PPARGC1A: variants seen among roughly 807,000 people sequenced by gnomAD.
The protein encoded by PPARGC1A is peroxisome proliferator-activated receptor gamma coactivator 1-alpha.
In PPARGC1A, 25 loss-of-function variants were observed where a neutral mutation model predicts 88.7. That is an observed-to-expected ratio of 0.28 (90% CI 0.21 to 0.39). The LOEUF (loss-of-function observed/expected upper bound fraction) is 0.39. Among genes scored for constraint, PPARGC1A ranks in the 10% least tolerant of loss-of-function variants. The probability of loss-of-function intolerance (pLI) is 1.00; values close to 1 mark genes in which losing one functional copy is unlikely to be tolerated. For missense variants in PPARGC1A, 880 were observed against 968.7 expected (o/e 0.91, Z 1.22); for synonymous variants, 363 against 355.6 (o/e 1.02, Z -0.24).
At chr4:24,105,756 G>A in the PPARGC1A span, among the ~76,000 whole-genome samples, 7 of 152,280 alleles carry the variant, frequency 4.6e-5, no homozygotes, top group Admixed American at 3.9e-4. Flanking sequence ...ATCCAAACAA[G>A]ATGGCAAGAA....
At chr4:24,274,792 C>T in the PPARGC1A span, among the ~76,000 whole-genome samples, 1 of 151,858 alleles carries the variant, frequency 6.6e-6, no homozygotes, top group South Asian at 2.1e-4. Flanking sequence ...GCTATTGGCC[C>T]TCACCTAGCA....
intron 5 of PPARGC1A, among the ~76,000 whole-genome samples, chr4:23,825,746 C>T (rs577932443): frequency 1.3e-5 from 2 of 152,214 alleles, no homozygotes; most frequent in African/African-American, 4.8e-5. Context: ...TAGATCTACA[C>T]AGTTGAATGG....
At chr4:23,877,359 A>C (rs7660192) in intron 2 of PPARGC1A, among the ~76,000 whole-genome samples, 3 of 81,770 alleles carry the variant, frequency 3.7e-5, no homozygotes, top group African/African-American at 1.4e-4. Flanking sequence ...TACTAAAAAT[A>C]CAAAAAAAAA....
intron 2 of PPARGC1A, among the ~76,000 whole-genome samples, chr4:23,861,824 T>A (rs1353768520): frequency 2.0e-5 from 3 of 152,202 alleles, no homozygotes; most frequent in Non-Finnish European, 1.5e-5. Flanking sequence ...CATTGCATTT[T>A]AAAAAGAGTT....
At chr4:23,942,559 C>A in the PPARGC1A span, among the ~76,000 whole-genome samples, 1 of 152,168 alleles carries the variant, frequency 6.6e-6, no homozygotes, top group Non-Finnish European at 1.5e-5. Context: ...AATTCACTTC[C>A]ACACTTACTG....
At chr4:24,072,403 C>T in the PPARGC1A span, among the ~76,000 whole-genome samples, 14 of 151,732 alleles carry the variant, frequency 9.2e-5, no homozygotes, top group Non-Finnish European at 2.1e-4. Flanking sequence ...ATGAGAGAAA[C>T]AGGTGGGGTT....
At chr4:23,955,329 A>T in the PPARGC1A span, among the ~76,000 whole-genome samples, 108 of 152,220 alleles carry the variant, frequency 7.1e-4, no homozygotes, top group African/African-American at 2.4e-3. Flanking sequence ...ATAAAACAAC[A>T]TTGATTTATG....
At chr4:24,060,516 T>C in the PPARGC1A span, among the ~76,000 whole-genome samples, 1 of 152,238 alleles carries the variant, frequency 6.6e-6, no homozygotes, top group African/African-American at 2.4e-5. Context: ...TTTTTAAAAG[T>C]ACTTTTGTAG....
the PPARGC1A span, among the ~76,000 whole-genome samples, chr4:24,265,382 A>G: frequency 6.6e-6 from 1 of 152,178 alleles, no homozygotes; most frequent in Admixed American, 6.5e-5. Context: ...AACACTTCTC[A>G]TTCCCTTGGA....
the PPARGC1A span, among the ~76,000 whole-genome samples, chr4:24,194,511 G>A: frequency 2.0e-5 from 3 of 152,040 alleles, no homozygotes; most frequent in Admixed American, 1.3e-4. Context: ...CTCGCACTAA[G>A]TATCAGAGTT....
the PPARGC1A span, among the ~76,000 whole-genome samples, chr4:24,070,557 G>A: frequency 2.0e-5 from 3 of 152,016 alleles, no homozygotes; most frequent in African/African-American, 7.2e-5. Flanking sequence ...AAAGTACTTA[G>A]GTTCCAGAAA....
chr4:24,403,272 G>C, the PPARGC1A span, among the ~76,000 whole-genome samples: 1 of 152,164 alleles, frequency 6.6e-6, no homozygotes, highest in Non-Finnish European at 1.5e-5. Context: ...CACTGTACTT[G>C]GAAAGGTTGG....
chr4:23,816,430 A>G (rs1247672270), intron 7 of PPARGC1A, among the ~76,000 whole-genome samples: 1 of 152,072 alleles, frequency 6.6e-6, no homozygotes, highest in African/African-American at 2.4e-5. Context: ...GGTCAATCTT[A>G]TCTTTTCTCT....
At chr4:23,962,137 A>G in the PPARGC1A span, among the ~76,000 whole-genome samples, 1 of 152,118 alleles carries the variant, frequency 6.6e-6, no homozygotes. Context: ...TTTTTTAATA[A>G]CAACAAGGGA....
At chr4:23,918,945 T>C in the PPARGC1A span, among the ~76,000 whole-genome samples, 99 of 152,174 alleles carry the variant, frequency 6.5e-4, 1 homozygote, top group Admixed American at 2.0e-3. Context: ...AGTCTCTCTG[T>C]TTATTCTGCT....
the PPARGC1A span, among the ~76,000 whole-genome samples, chr4:24,383,919 A>G: frequency 1.3e-5 from 2 of 152,196 alleles, no homozygotes; most frequent in East Asian, 3.9e-4. Context: ...CAAGCCACAT[A>G]ATCTTCAGAT....
chr4:23,799,561 C>G (rs1718276833), intron 12 of PPARGC1A, among the ~76,000 whole-genome samples: 1 of 152,212 alleles, frequency 6.6e-6, no homozygotes, highest in South Asian at 2.1e-4. Flanking sequence ...CAGAAAAAAA[C>G]TACCTTTGTG....
At chr4:24,438,887 A>C in the PPARGC1A span, among the ~76,000 whole-genome samples, 1 of 152,034 alleles carries the variant, frequency 6.6e-6, no homozygotes, top group Admixed American at 6.6e-5. Flanking sequence ...AAATAAAAAA[A>C]TAAAGTGGAG....
intron 5 of PPARGC1A, 49 bp downstream of exon 5, chr4:23,828,351 C>A: frequency 1.3e-6 from 2 of 1,546,540 alleles, no homozygotes; most frequent in Non-Finnish European, 1.8e-6. Context: ...CATGTGCTTT[C>A]TTTGCTTCCA....
Sources: gnomAD v4.1 joint callset for allele counts (sites outside exome capture counted in the v4.1 genomes callset) on GRCh38, gnomAD v4.1.1 for gene constraint, MANE v1.5 for transcripts, NCBI Gene and HGNC (gene_info 2026-07-23, HGNC 2026-07-21) for gene names.